FMNL2: variants seen among roughly 807,000 people sequenced by gnomAD.
FMNL2 encodes the protein formin-like protein 2.
Under a neutral mutation model 130.2 loss-of-function variants are expected in FMNL2, and 51 were observed. That is an observed-to-expected ratio of 0.39 (90% CI 0.31 to 0.49). FMNL2 has a LOEUF of 0.49. Among genes scored for constraint, FMNL2 ranks in the 20% least tolerant of loss-of-function variants. The probability of loss-of-function intolerance (pLI) is 0.85; values close to 1 mark genes in which losing one functional copy is unlikely to be tolerated. For missense variants in FMNL2, 977 were observed against 1,316.2 expected (o/e 0.74, Z 3.99); for synonymous variants, 465 against 467.1 (o/e 1.00, Z 0.06).
At chr2:152,476,806 A>T (rs1690175291) in intron 1 of FMNL2, among the ~76,000 whole-genome samples, 1 of 152,114 alleles carries the variant, frequency 6.6e-6, no homozygotes, top group African/African-American at 2.4e-5. Flanking sequence ...GGGTTTAAAA[A>T]ATATTAATAA....
rs1681358102 is a variant in FMNL2 at position 152,335,599 on chromosome 2, CCGA to C, written c.-3_-1del. On this transcript the variant is annotated 5_prime_UTR_variant, in exon 1 of 26. Coordinates refer to ENST00000288670, the MANE Select transcript of FMNL2 (RefSeq NM_052905.4). ...AGCAGCCCCCGGCCCCGGCGCGCCG[CCGA>C]CATGGGCAACGCAGGGAGCATGGAT... The C allele has an allele frequency of 6.3e-6, 10 of 1,583,258 alleles. 1 individual carries two copies. The highest frequency in any genetic ancestry group is 3.4e-4 in the Middle Eastern group (2 of 5,946).
At chr2:152,349,579 A>G (rs915337886) in intron 1 of FMNL2, among the ~76,000 whole-genome samples, 4 of 152,218 alleles carry the variant, frequency 2.6e-5, no homozygotes, top group African/African-American at 7.2e-5. Flanking sequence ...ATTTCATACA[A>G]TAGCTGCTTT....
chr2:152,434,581 C>T (rs1248859771), intron 1 of FMNL2, among the ~76,000 whole-genome samples: 1 of 151,984 alleles, frequency 6.6e-6, no homozygotes, highest in Non-Finnish European at 1.5e-5. Flanking sequence ...TAGGTGGCAC[C>T]ATGGTAAGGC....
At chr2:152,570,665 T>C (rs1284310994) in intron 6 of FMNL2, among the ~76,000 whole-genome samples, 1 of 152,012 alleles carries the variant, frequency 6.6e-6, no homozygotes, top group Non-Finnish European at 1.5e-5. Context: ...TCTGAGGGAG[T>C]CCTTTCCAAT....
intron 1 of FMNL2, among the ~76,000 whole-genome samples, chr2:152,445,908 C>T (rs886143254): frequency 3.3e-5 from 5 of 152,214 alleles, no homozygotes; most frequent in South Asian, 2.1e-4. Flanking sequence ...CCCTAAACCA[C>T]ACTGGCTTCT....
intron 1 of FMNL2, among the ~76,000 whole-genome samples, chr2:152,513,072 T>C (rs1229715251): frequency 6.6e-6 from 1 of 152,236 alleles, no homozygotes; most frequent in African/African-American, 2.4e-5. Flanking sequence ...CATTGAGATA[T>C]AATGGATACA....
intron 9 of FMNL2, among the ~76,000 whole-genome samples, chr2:152,606,642 T>G (rs1698372032): frequency 6.6e-6 from 1 of 151,118 alleles, no homozygotes; most frequent in Non-Finnish European, 1.5e-5. Context: ...TTTTTTTTTT[T>G]TTTTTTTTTT....
At chr2:152,565,153 GA>G (rs1473037766) in intron 6 of FMNL2, among the ~76,000 whole-genome samples, 1 of 152,162 alleles carries the variant, frequency 6.6e-6, no homozygotes, top group Non-Finnish European at 1.5e-5. Flanking sequence ...AGATGCAAGA[GA>G]AAATACTTTC....
intron 1 of FMNL2, among the ~76,000 whole-genome samples, chr2:152,436,374 C>G (rs112385057): frequency 0.028 from 4,195 of 152,198 alleles, 207 homozygotes; most frequent in African/African-American, 0.096. Flanking sequence ...AACTCCTGAA[C>G]TCAAGCAATC....
rs147499134 is a variant in FMNL2, at chr2:152,594,509, G to A, written c.877-12830G>A. ...TGGCTGCGTCAATCCCTTGGCTCAA[G>A]TTTCATTTCAAAAATCTGCCATGTG... On this transcript the variant is annotated intron_variant, in intron 9 of 25. Transcript: ENST00000288670. Among the ~76,000 whole-genome samples the A allele has an allele frequency of 6.8e-4, 104 of 152,314 alleles. 1 individual carries two copies. Among genetic ancestry groups the A allele is most frequent in the Non-Finnish European group, 1.4e-3 (93 of 68,034 alleles).
At chr2:152,378,258 G>C (rs1684279717) in intron 1 of FMNL2, among the ~76,000 whole-genome samples, 1 of 152,104 alleles carries the variant, frequency 6.6e-6, no homozygotes, top group South Asian at 2.1e-4. Context: ...TTTTTAAGTA[G>C]GACCATTTAG....
At chr2:152,497,722 A>T (rs1691588386) in intron 1 of FMNL2, among the ~76,000 whole-genome samples, 1 of 152,238 alleles carries the variant, frequency 6.6e-6, no homozygotes, top group Admixed American at 6.5e-5. Flanking sequence ...CCACAAACTT[A>T]GTGGCTTAAA....
At chr2:152,491,299 T>G (rs7606592) in intron 1 of FMNL2, among the ~76,000 whole-genome samples, 1 of 151,918 alleles carries the variant, frequency 6.6e-6, no homozygotes, top group Non-Finnish European at 1.5e-5. Context: ...CTACACAGTT[T>G]TCAGGGTCAG....
intron 1 of FMNL2, among the ~76,000 whole-genome samples, chr2:152,342,681 G>A (rs1199993899): frequency 6.6e-6 from 1 of 152,074 alleles, no homozygotes; most frequent in East Asian, 1.9e-4. Context: ...CCAGAAACCT[G>A]TCTTTCAACA....
At chr2:152,535,611 G>T (rs1048599450) in intron 2 of FMNL2, among the ~76,000 whole-genome samples, 34 of 152,060 alleles carry the variant, frequency 2.2e-4, no homozygotes, top group African/African-American at 7.2e-4. Context: ...TAAAGTTTTC[G>T]TGTTAGTGCC....
In FMNL2 at chr2:152,407,437, C is replaced by T. The variant is rs1686047152; in HGVS notation, c.117+71717C>T. Among the ~76,000 whole-genome samples, 5 of 152,122 alleles carry T rather than the reference C, an allele frequency of 3.3e-5. No individual in the cohort carries two copies. In the South Asian group the frequency reaches 1.0e-3, roughly 32 times the overall value. The stretch of plus-strand genomic sequence containing the variant: ...CCTTTCTGCCGACTCCTGACAGCGC[C>T]TCCCTTCAGGGGTGTGGGTGGAGCT... On this transcript the variant is annotated intron_variant, in intron 1 of 25. Coordinates refer to ENST00000288670, the MANE Select transcript of FMNL2 (RefSeq NM_052905.4).
intron 6 of FMNL2, among the ~76,000 whole-genome samples, chr2:152,561,923 C>T (rs979589558): frequency 2.0e-5 from 3 of 152,154 alleles, no homozygotes; most frequent in African/African-American, 7.2e-5. Flanking sequence ...TTTCTCATCT[C>T]TTCTGGCTAA....
At chr2:152,418,591 A>G (rs75907427) in intron 1 of FMNL2, among the ~76,000 whole-genome samples, 2,225 of 152,248 alleles carry the variant, frequency 0.015, 25 homozygotes, top group Non-Finnish European at 0.02. Flanking sequence ...ACTTAGTATA[A>G]TGTTGGTAAG....
At chr2:152,593,896 TGTGTGTGAGAGA>T (rs776100091) in intron 9 of FMNL2, among the ~76,000 whole-genome samples, 192 of 103,862 alleles carry the variant, frequency 1.8e-3, no homozygotes, top group East Asian at 5.9e-3. Context: ...TGTGTGTGTG[TGTGTGTGAGAGA>T]GAGAGAGAGA....
Sources: gnomAD v4.1 joint callset for allele counts (sites outside exome capture counted in the v4.1 genomes callset) on GRCh38, gnomAD v4.1.1 for gene constraint, MANE v1.5 for transcripts, NCBI Gene and HGNC (gene_info 2026-07-23, HGNC 2026-07-21) for gene names.